The following DKK4 variants were observed in gnomAD, a reference collection of about 807,000 sequenced individuals.
The protein encoded by DKK4 is dickkopf-related protein 4.
DKK4 carries 15 observed loss-of-function variants against 14.5 expected under a neutral mutation model. The observed-to-expected ratio is 1.03, with a 90% CI of 0.69 to 1.59. DKK4 has a LOEUF of 1.59. DKK4 is among the 40% of genes most tolerant of loss of function. DKK4 has a pLI of 0.00. For synonymous variants in DKK4, 89 were observed against 105.2 expected (o/e 0.85, Z 0.94); for missense variants, 272 against 280.3 (o/e 0.97, Z 0.21).
upstream of DKK4, among the ~76,000 whole-genome samples, chr8:42,380,522 AAG>A (rs1039960673): frequency 8.2e-5 from 12 of 146,310 alleles, no homozygotes; most frequent in South Asian, 2.2e-4. Context: ...GAAAAGAAAA[AAG>A]AGAGGAAGGA....
At chr8:42,379,378 T>TAGAGAG (rs537441477), upstream of DKK4, among the ~76,000 whole-genome samples, 15 of 34,552 alleles carry the variant, frequency 4.3e-4, no homozygotes, top group South Asian at 1.2e-3. Flanking sequence ...TATATATATA[T>TAGAGAG]AGAGAGAGAG....
At chr8:42,390,987 T>C in the DKK4 span, among the ~76,000 whole-genome samples, 1 of 152,190 alleles carries the variant, frequency 6.6e-6, no homozygotes, top group Non-Finnish European at 1.5e-5. Context: ...CTGAATCAAT[T>C]ATTATCATGG....
the DKK4 span, among the ~76,000 whole-genome samples, chr8:42,385,712 G>A: frequency 2.0e-5 from 3 of 152,146 alleles, no homozygotes; most frequent in Non-Finnish European, 2.9e-5. Flanking sequence ...CCAATTTCTG[G>A]TGGAAATTTC....
chr8:42,384,593 C>T, the DKK4 span, among the ~76,000 whole-genome samples: 1 of 152,140 alleles, frequency 6.6e-6, no homozygotes, highest in Non-Finnish European at 1.5e-5. Flanking sequence ...CAGGCCTTCC[C>T]AGGACTTTGG....
upstream of DKK4, among the ~76,000 whole-genome samples, chr8:42,380,192 G>A (rs1405797181): frequency 6.6e-6 from 1 of 152,040 alleles, no homozygotes; most frequent in Non-Finnish European, 1.5e-5. Flanking sequence ...AATTACCCTG[G>A]TGTGGTGGCA....
At chr8:42,385,917 C>T in the DKK4 span, among the ~76,000 whole-genome samples, 11 of 152,170 alleles carry the variant, frequency 7.2e-5, 1 homozygote, top group Non-Finnish European at 1.2e-4. Context: ...TTTTTCTATG[C>T]AGTCATGTAT....
chr8:42,389,671 A>T, the DKK4 span, among the ~76,000 whole-genome samples: 1 of 152,232 alleles, frequency 6.6e-6, no homozygotes, highest in African/African-American at 2.4e-5. Context: ...TTCAAAAAAA[A>T]TTTTAAACTC....
the DKK4 span, among the ~76,000 whole-genome samples, chr8:42,387,211 A>AT: frequency 1.3e-5 from 2 of 149,920 alleles, no homozygotes; most frequent in African/African-American, 2.5e-5. Flanking sequence ...TGCCATGGGT[A>AT]TTGGTATCAG....
chr8:42,379,394 G>T (rs868454593), upstream of DKK4, among the ~76,000 whole-genome samples: 1,721 of 88,460 alleles, frequency 0.019, 13 homozygotes, highest in Non-Finnish European at 0.026. Context: ...GAGAGAGAGA[G>T]AGAGAGAGAG....
the DKK4 span, among the ~76,000 whole-genome samples, chr8:42,383,496 T>A: frequency 6.6e-6 from 1 of 152,270 alleles, no homozygotes; most frequent in Non-Finnish European, 1.5e-5. Flanking sequence ...CCTTTGGAGC[T>A]GTGCAATGTG....
intron 1 of DKK4, among the ~76,000 whole-genome samples, chr8:42,376,692 G>A (rs77515373): frequency 0.033 from 5,063 of 152,226 alleles, 96 homozygotes; most frequent in Non-Finnish European, 0.039. Flanking sequence ...CAAAGTGTTC[G>A]TTTATTTCGT....
At chr8:42,380,095 AG>A (rs1213352668), upstream of DKK4, among the ~76,000 whole-genome samples, 1 of 152,150 alleles carries the variant, frequency 6.6e-6, no homozygotes, top group African/African-American at 2.4e-5. Context: ...TTACTTGGGA[AG>A]GTGAGATGGG....
chr8:42,382,957 C>T, the DKK4 span, among the ~76,000 whole-genome samples: 2 of 152,062 alleles, frequency 1.3e-5, no homozygotes, highest in East Asian at 1.9e-4. Context: ...GTGTCAGAAC[C>T]GATTATTTAT....
At chr8:42,382,606 A>C in the DKK4 span, among the ~76,000 whole-genome samples, 2 of 152,188 alleles carry the variant, frequency 1.3e-5, no homozygotes, top group African/African-American at 2.4e-5. Context: ...GAAAAGTGGC[A>C]CCACAAGACA....
the DKK4 span, among the ~76,000 whole-genome samples, chr8:42,389,740 C>CGGTT: frequency 6.6e-6 from 1 of 152,122 alleles, no homozygotes; most frequent in Non-Finnish European, 1.5e-5. Flanking sequence ...CTCGATTAAC[C>CGGTT]AATTGTTAAC....
chr8:42,388,999 G>A, the DKK4 span, among the ~76,000 whole-genome samples: 1 of 152,214 alleles, frequency 6.6e-6, no homozygotes, highest in Non-Finnish European at 1.5e-5. Context: ...CTGTAGCGCA[G>A]TGGCGCAATC....
chr8:42,380,762 GAGAA>G (rs1176784750), upstream of DKK4, among the ~76,000 whole-genome samples: 3 of 144,694 alleles, frequency 2.1e-5, no homozygotes, highest in East Asian at 2.1e-4. Context: ...GAGAGAGAGA[GAGAA>G]AGAGGAAGAA....
chr8:42,380,767 AG>A (rs1239076417), upstream of DKK4, among the ~76,000 whole-genome samples: 1 of 148,778 alleles, frequency 6.7e-6, no homozygotes, highest in African/African-American at 2.5e-5. Flanking sequence ...AGAGAGAGAA[AG>A]AGGAAGAATG....
chr8:42,374,466 A>G, intron 3 of DKK4, 107 bp from the exon 4 acceptor site: 1 of 1,440,162 alleles, frequency 6.9e-7, no homozygotes, highest in Non-Finnish European at 9.6e-7. Context: ...GCCACAAAGT[A>G]AAAACAGACA....
Sources: allele counts gnomAD v4.1 joint callset (sites outside exome capture counted in the v4.1 genomes callset), GRCh38; gene constraint gnomAD v4.1.1; transcripts MANE v1.5; gene names NCBI Gene and HGNC (gene_info 2026-07-23, HGNC 2026-07-21).